The following FNDC3A variants were observed in gnomAD, a reference collection of about 807,000 sequenced individuals.
FNDC3A encodes fibronectin type-III domain-containing protein 3A.
FNDC3A carries 32 observed loss-of-function variants against 148.9 expected under a neutral mutation model. The ratio of observed to expected loss-of-function variants is 0.21; its 90% CI spans 0.16 to 0.29. The LOEUF (loss-of-function observed/expected upper bound fraction) is 0.29, where lower values mean the gene tolerates loss of function less well. Ranked by LOEUF, FNDC3A falls within the 10% of genes least tolerant of loss-of-function variation. The pLI, the probability that FNDC3A is intolerant of heterozygous loss-of-function variation, is 1.00. For missense variants in FNDC3A, 1,191 were observed against 1,452.8 expected (o/e 0.82, Z 2.93); for synonymous variants, 472 against 473.6 (o/e 1.00, Z 0.04).
chr13:49,114,981 T>C (rs1191474713), intron 4 of FNDC3A, among the ~76,000 whole-genome samples: 1 of 152,168 alleles, frequency 6.6e-6, no homozygotes, highest in Non-Finnish European at 1.5e-5. Flanking sequence ...TAGAGTTTTG[T>C]CTCCCTAAAT....
intron 8 of FNDC3A, among the ~76,000 whole-genome samples, chr13:49,149,938 G>GTCCACTTCCTCAGATTTT (rs1883194039): frequency 6.6e-6 from 1 of 152,088 alleles, no homozygotes; most frequent in Admixed American, 6.6e-5. Context: ...CTAGGAATTT[G>GTCCACTTCCTCAGATTTT]TCCACTTCCT....
intron 2 of FNDC3A, chr13:49,046,190 C>G (rs180723505): frequency 6.4e-6 from 1 of 155,290 alleles, no homozygotes; most frequent in East Asian, 1.9e-4. Context: ...AATCTTCAAC[C>G]AAAATTATGT....
chr13:49,159,893 T>C (rs542749340), intron 8 of FNDC3A, among the ~76,000 whole-genome samples: 1 of 152,348 alleles, frequency 6.6e-6, no homozygotes, highest in South Asian at 2.1e-4. Context: ...TTTTTGTCTT[T>C]GGTTCTATTT....
chr13:49,119,598 G>A (rs1881199353), intron 4 of FNDC3A, among the ~76,000 whole-genome samples: 1 of 151,980 alleles, frequency 6.6e-6, no homozygotes, highest in Admixed American at 6.6e-5. Flanking sequence ...TTGAAAAAAG[G>A]TTACAGGAAT....
chr13:49,133,535 TA>T (rs1246959968), intron 5 of FNDC3A, among the ~76,000 whole-genome samples: 1 of 152,204 alleles, frequency 6.6e-6, no homozygotes, highest in Non-Finnish European at 1.5e-5. Flanking sequence ...ATTCTACCAC[TA>T]AATGCTAATT....
At chr13:49,017,119 T>C (rs1306022081) in intron 2 of FNDC3A, among the ~76,000 whole-genome samples, 6 of 152,176 alleles carry the variant, frequency 3.9e-5, no homozygotes, top group East Asian at 3.9e-4. Flanking sequence ...CTATTAGGTC[T>C]GCTTGGTGCA....
chr13:49,073,661 G>A (rs1380385539), intron 2 of FNDC3A, among the ~76,000 whole-genome samples: 1 of 145,594 alleles, frequency 6.9e-6, no homozygotes, highest in South Asian at 2.1e-4. Flanking sequence ...CATTTCATAT[G>A]TATATATATA....
chr13:48,977,338 A>G (rs1951622233), intron 1 of FNDC3A, among the ~76,000 whole-genome samples: 1 of 151,982 alleles, frequency 6.6e-6, no homozygotes, highest in Non-Finnish European at 1.5e-5. Flanking sequence ...TAACAGTTGA[A>G]CTCTTACTAT....
At chr13:49,162,248 G>A (rs1043502181) in intron 8 of FNDC3A, among the ~76,000 whole-genome samples, 3 of 152,162 alleles carry the variant, frequency 2.0e-5, no homozygotes, top group African/African-American at 7.2e-5. Context: ...GTACACCAAT[G>A]AGACGTAGAT....
chr13:49,187,895 C>T (rs1885670857), intron 16 of FNDC3A, among the ~76,000 whole-genome samples: 1 of 151,768 alleles, frequency 6.6e-6, no homozygotes, highest in Non-Finnish European at 1.5e-5. Context: ...TCTTTTTGTT[C>T]TCATTTATTT....
At chr13:49,206,351 A>G (rs1886644259) in intron 25 of FNDC3A, among the ~76,000 whole-genome samples, 1 of 147,202 alleles carries the variant, frequency 6.8e-6, no homozygotes, top group Admixed American at 6.8e-5. Flanking sequence ...ATTTATGCCT[A>G]GTGTTCCATT....
intron 14 of FNDC3A, 34 bp from the exon 15 acceptor site, chr13:49,185,930 T>C: frequency 6.5e-7 from 1 of 1,544,482 alleles, no homozygotes; most frequent in South Asian, 1.1e-5. Flanking sequence ...AGGTATCAAG[T>C]GTATTATTTA....
chr13:49,107,069 G>A (rs1228078438), intron 3 of FNDC3A, among the ~76,000 whole-genome samples: 2 of 152,190 alleles, frequency 1.3e-5, no homozygotes, highest in African/African-American at 4.8e-5. Flanking sequence ...GCACATGGAT[G>A]CAACAGTGTT....
intron 1 of FNDC3A, among the ~76,000 whole-genome samples, chr13:48,998,793 T>C (rs888507013): frequency 6.6e-6 from 1 of 152,206 alleles, no homozygotes; most frequent in Non-Finnish European, 1.5e-5. Flanking sequence ...GCTGACCGTT[T>C]GCTAAGAAGA....
chr13:49,204,510 G>T (rs1369401046), intron 25 of FNDC3A, among the ~76,000 whole-genome samples: 1 of 152,096 alleles, frequency 6.6e-6, no homozygotes, highest in African/African-American at 2.4e-5. Flanking sequence ...ATTAAATCTG[G>T]CATGCAATTG....
At chr13:48,995,510 A>G (rs1006682975) in intron 1 of FNDC3A, among the ~76,000 whole-genome samples, 1 of 152,218 alleles carries the variant, frequency 6.6e-6, no homozygotes, top group Non-Finnish European at 1.5e-5. Flanking sequence ...TCAGTCATTG[A>G]AAATGATTAA....
intron 10 of FNDC3A, among the ~76,000 whole-genome samples, chr13:49,169,504 G>T (rs546690385): frequency 6.6e-6 from 1 of 152,054 alleles, no homozygotes; most frequent in Non-Finnish European, 1.5e-5. Context: ...CATTCTGCAG[G>T]GCTATTAGCG....
chr13:49,021,111 C>T (rs1255980662), intron 2 of FNDC3A, among the ~76,000 whole-genome samples: 2 of 152,104 alleles, frequency 1.3e-5, no homozygotes, highest in African/African-American at 2.4e-5. Flanking sequence ...AGTGAGTAGG[C>T]CTATGTAACT....
At chr13:49,098,690 A>G (rs941217685) in intron 3 of FNDC3A, among the ~76,000 whole-genome samples, 2 of 152,118 alleles carry the variant, frequency 1.3e-5, no homozygotes, top group Non-Finnish European at 2.9e-5. Flanking sequence ...TACTCTACTT[A>G]GTGTTTATCA....
Sources: gnomAD v4.1 joint callset for allele counts (sites outside exome capture counted in the v4.1 genomes callset) on GRCh38, gnomAD v4.1.1 for gene constraint, MANE v1.5 for transcripts, NCBI Gene and HGNC (gene_info 2026-07-23, HGNC 2026-07-21) for gene names.